RUNX2: variants seen among roughly 807,000 people sequenced by gnomAD.
RUNX2 encodes RUNX family transcription factor 2.
A neutral mutation model predicts 51.7 loss-of-function variants in RUNX2; 10 were observed. That is an observed-to-expected ratio of 0.19 (90% confidence interval 0.12 to 0.33). The LOEUF is 0.33. Among genes scored for constraint, RUNX2 ranks in the 10% least tolerant of loss-of-function variants. RUNX2 has a pLI of 1.00. For synonymous variants in RUNX2, 276 were observed against 273.6 expected, an observed-to-expected ratio of 1.01 and a Z score of -0.09; for missense variants, 562 against 691.3, an observed-to-expected ratio of 0.81 and a Z score of 2.10.
intron 2 of RUNX2, among the ~76,000 whole-genome samples, chr6:45,412,502 T>C (rs1006025500): frequency 2.2e-4 from 34 of 152,218 alleles, no homozygotes; most frequent in Non-Finnish European, 4.7e-4. Context: ...CAGTATATCA[T>C]GGTTAAGACT....
In RUNX2 at chr6:45,456,083, T is replaced by C. The variant is rs149318062; in HGVS notation, c.685+18032T>C. On this transcript the variant is annotated intron_variant, in intron 5 of 8. Coordinates refer to ENST00000647337, the MANE Select transcript of RUNX2 (RefSeq NM_001024630.4). Reference sequence around the variant, plus strand: ...TTAATTTAATTAGTATACAGGAAGATCTGTTGTAAACATTTCAGAAAATTC... The same window carrying C: ...TTAATTTAATTAGTATACAGGAAGACCTGTTGTAAACATTTCAGAAAATTC... 2.2e-4 allele frequency among the ~76,000 whole-genome samples: 34 copies of C among 152,260 alleles called. No homozygotes were observed. In the East Asian group the frequency reaches 3.7e-3, roughly 16 times the overall value.
rs371186773 is a variant in RUNX2, at chr6:45,342,011, C to A, written c.58+13227C>A. On this transcript the variant is annotated intron_variant, in intron 2 of 8. Coordinates refer to ENST00000647337, the MANE Select transcript of RUNX2 (RefSeq NM_001024630.4). Reference sequence around the variant, plus strand: ...TTATTAACCTAGCATTAAAAAAAAACGGAGACTGGACTGAAAAATATGGGC... The same window carrying A: ...TTATTAACCTAGCATTAAAAAAAAAAGGAGACTGGACTGAAAAATATGGGC... Among the ~76,000 whole-genome samples, 4 of 151,044 alleles carry A rather than the reference C, an allele frequency of 2.6e-5. No homozygotes were observed. In the South Asian group the frequency reaches 6.3e-4, roughly 24 times the overall value.
At chr6:45,531,391 C>G (rs1034900276) in intron 7 of RUNX2, among the ~76,000 whole-genome samples, 2 of 152,168 alleles carry the variant, frequency 1.3e-5, no homozygotes, top group African/African-American at 4.8e-5. Flanking sequence ...GTGGAAAAAT[C>G]TACCTCCCAA....
intron 2 of RUNX2, among the ~76,000 whole-genome samples, chr6:45,416,130 A>C (rs557114149): frequency 6.6e-6 from 1 of 152,308 alleles, no homozygotes; most frequent in Admixed American, 6.5e-5. Flanking sequence ...AATAGCAAAA[A>C]ACTTAGAATG....
intron 5 of RUNX2, among the ~76,000 whole-genome samples, chr6:45,442,351 C>T (rs559354789): frequency 3.2e-4 from 48 of 152,256 alleles, no homozygotes; most frequent in Non-Finnish European, 5.6e-4. Flanking sequence ...AACTGTCAGC[C>T]GGAGAAGTGG....
chr6:45,512,868 C>G (rs1169608797), intron 7 of RUNX2, among the ~76,000 whole-genome samples: 1 of 152,110 alleles, frequency 6.6e-6, no homozygotes, highest in Non-Finnish European at 1.5e-5. Flanking sequence ...CACCTGCAAA[C>G]TTAGGATCTT....
intron 6 of RUNX2, among the ~76,000 whole-genome samples, chr6:45,498,128 GGCCCT>G (rs1163042005): frequency 6.6e-6 from 1 of 152,128 alleles, no homozygotes; most frequent in Non-Finnish European, 1.5e-5. Flanking sequence ...ATAGCTCCAT[GGCCCT>G]GTGTACTTAC....
chr6:45,448,951 G>A (rs1238726892), intron 5 of RUNX2, among the ~76,000 whole-genome samples: 5 of 152,124 alleles, frequency 3.3e-5, no homozygotes, highest in African/African-American at 4.8e-5. Flanking sequence ...TGAAGTCTGG[G>A]TTACTAATTC....
intron 6 of RUNX2, among the ~76,000 whole-genome samples, chr6:45,508,305 C>G (rs762779969): frequency 6.7e-6 from 1 of 149,510 alleles, no homozygotes; most frequent in Non-Finnish European, 1.5e-5. Context: ...CTCGGCTCAC[C>G]GCAACCTCCG....
intron 7 of RUNX2, among the ~76,000 whole-genome samples, chr6:45,517,928 G>A (rs1801382598): frequency 6.6e-6 from 1 of 152,098 alleles, no homozygotes; most frequent in African/African-American, 2.4e-5. Flanking sequence ...ACCGAGTCAA[G>A]TTCTTGAAAC....
intron 7 of RUNX2, among the ~76,000 whole-genome samples, chr6:45,515,378 A>C (rs1402867203): frequency 6.6e-6 from 1 of 152,218 alleles, no homozygotes; most frequent in Non-Finnish European, 1.5e-5. Flanking sequence ...GTGAGGATTA[A>C]GTGAGATACT....
intron 2 of RUNX2, among the ~76,000 whole-genome samples, chr6:45,399,023 G>A (rs1391499558): frequency 6.6e-6 from 1 of 152,130 alleles, no homozygotes; most frequent in Non-Finnish European, 1.5e-5. Context: ...TAAATTTCTA[G>A]TTAGGGATAA....
intron 7 of RUNX2, among the ~76,000 whole-genome samples, chr6:45,514,923 G>T (rs569652452): frequency 2.3e-4 from 34 of 149,800 alleles, no homozygotes; most frequent in African/African-American, 3.2e-4. Context: ...AGCATGAGGG[G>T]TTTTTTAATT....
intron 5 of RUNX2, among the ~76,000 whole-genome samples, chr6:45,467,754 A>G (rs1190295139): frequency 1.3e-5 from 2 of 151,686 alleles, no homozygotes; most frequent in African/African-American, 4.9e-5. Flanking sequence ...TTAATGAACA[A>G]CTCCCAAATC....
At chr6:45,532,263 G>A (rs1934329) in intron 7 of RUNX2, among the ~76,000 whole-genome samples, 71,126 of 143,478 alleles carry the variant, frequency 0.5, 18,355 homozygotes, top group African/African-American at 0.69. Context: ...ACCATTCTTT[G>A]CAGGAACAGT....
At chr6:45,520,730 T>A (rs1358094448) in intron 7 of RUNX2, among the ~76,000 whole-genome samples, 1 of 151,454 alleles carries the variant, frequency 6.6e-6, no homozygotes, top group African/African-American at 2.4e-5. Context: ...ATATCTTTCT[T>A]TTTTTTTTGA....
intron 2 of RUNX2, among the ~76,000 whole-genome samples, chr6:45,333,016 A>G (rs1433033346): frequency 6.6e-6 from 1 of 151,734 alleles, no homozygotes; most frequent in East Asian, 1.9e-4. Context: ...AAAGATAACA[A>G]TGAACTCCAA....
At chr6:45,361,000 C>T (rs1444159829) in intron 2 of RUNX2, among the ~76,000 whole-genome samples, 6 of 152,244 alleles carry the variant, frequency 3.9e-5, no homozygotes, top group Admixed American at 3.3e-4. Context: ...TAGCTGGGCA[C>T]AGTGGCACAT....
intron 6 of RUNX2, among the ~76,000 whole-genome samples, chr6:45,493,125 AATGT>A (rs2150408294): frequency 6.6e-6 from 1 of 152,294 alleles, no homozygotes; most frequent in Non-Finnish European, 1.5e-5. Flanking sequence ...ATATTATGTA[AATGT>A]ATTCTTGGAT....
Sources: gnomAD v4.1 joint callset for allele counts (sites outside exome capture counted in the v4.1 genomes callset) on GRCh38, gnomAD v4.1.1 for gene constraint, MANE v1.5 for transcripts, NCBI Gene and HGNC (gene_info 2026-07-23, HGNC 2026-07-21) for gene names.